NBEAL1: variants seen among roughly 807,000 people sequenced by gnomAD.
NBEAL1 encodes neurobeachin-like protein 1.
In NBEAL1, 273 loss-of-function variants were observed where a neutral mutation model predicts 351.3. The observed-to-expected ratio is 0.78, with a 90% CI of 0.70 to 0.86. NBEAL1 has a LOEUF of 0.86. NBEAL1 is among the 40% of genes least tolerant of loss of function. NBEAL1 has a pLI of 0.00. For missense variants in NBEAL1, 2,961 were observed against 3,201.3 expected, an observed-to-expected ratio of 0.92 and a Z score of 1.81; for synonymous variants, 1,050 against 1,086.4, an observed-to-expected ratio of 0.97 and a Z score of 0.66.
chr2:203,203,450 T>C (rs555972104), intron 51 of NBEAL1, among the ~76,000 whole-genome samples: 3 of 152,116 alleles, frequency 2.0e-5, no homozygotes, highest in South Asian at 4.2e-4. Flanking sequence ...GCTGGGATTA[T>C]AGGTATGAGC....
chr2:203,029,622 G>A (rs1197747503), intron 2 of NBEAL1, among the ~76,000 whole-genome samples: 1 of 150,018 alleles, frequency 6.7e-6, no homozygotes, highest in Non-Finnish European at 1.5e-5. Flanking sequence ...AGCCCAGGTG[G>A]TTGAGGCTGC....
At chr2:203,208,105 G>C (rs1239951417) in intron 51 of NBEAL1, among the ~76,000 whole-genome samples, 6 of 152,034 alleles carry the variant, frequency 3.9e-5, no homozygotes, top group Admixed American at 3.3e-4. Context: ...AACATGGCAA[G>C]ACCCTCATCT....
chr2:203,120,086 A>T (rs929097832), intron 18 of NBEAL1, among the ~76,000 whole-genome samples: 1 of 152,184 alleles, frequency 6.6e-6, no homozygotes, highest in Non-Finnish European at 1.5e-5. Flanking sequence ...AGCAAAATAA[A>T]TTTTTTAAAA....
intron 6 of NBEAL1, among the ~76,000 whole-genome samples, chr2:203,065,924 A>G (rs1410337071): frequency 6.6e-6 from 1 of 152,256 alleles, no homozygotes; most frequent in Non-Finnish European, 1.5e-5. Context: ...TAACTATGCT[A>G]TATTCTACAA....
At chr2:203,193,693 G>A (rs758194623) in intron 46 of NBEAL1, 102 bp from the exon 47 acceptor site, 8 of 683,398 alleles carry the variant, frequency 1.2e-5, no homozygotes, top group South Asian at 2.2e-5. Flanking sequence ...ACAATGCATG[G>A]TATGTAATTC....
At chr2:203,207,188 GC>G (rs2065617442) in intron 51 of NBEAL1, among the ~76,000 whole-genome samples, 1 of 148,370 alleles carries the variant, frequency 6.7e-6, no homozygotes, top group South Asian at 2.1e-4. Context: ...CCCGGCAGCC[GC>G]CCCGTCTGAG....
rs1046068975 is a variant in NBEAL1, at chr2:203,224,499, T to C, written c.*7145T>C. 2.6e-5 allele frequency among the ~76,000 whole-genome samples: 4 copies of C among 152,288 alleles called. No individual in the cohort carries two copies. Among genetic ancestry groups the C allele is most frequent in the African/African-American group, 9.6e-5 (4 of 41,586 alleles). On this transcript the variant is annotated 3_prime_UTR_variant, in exon 56 of 56. Transcript: ENST00000683969. ...AAACATATTTAATTCATCTCTTTTGTCAGTTTTTCTGGGACTCCAATAGCA... is the reference window on the plus strand; with the variant it reads ...AAACATATTTAATTCATCTCTTTTGCCAGTTTTTCTGGGACTCCAATAGCA...
chr2:203,152,828 G>C (rs1431959166), intron 35 of NBEAL1, among the ~76,000 whole-genome samples: 2 of 151,438 alleles, frequency 1.3e-5, no homozygotes, highest in African/African-American at 4.9e-5. Flanking sequence ...CTGAGGTCAG[G>C]AGCTCGAGAC....
At chr2:203,109,395 A>T (rs2062510911) in intron 14 of NBEAL1, among the ~76,000 whole-genome samples, 1 of 152,188 alleles carries the variant, frequency 6.6e-6, no homozygotes, top group African/African-American at 2.4e-5. Flanking sequence ...GATATGAGTA[A>T]TGATTTCTAT....
intron 7 of NBEAL1, among the ~76,000 whole-genome samples, chr2:203,072,231 C>A (rs947641722): frequency 2.0e-5 from 3 of 152,190 alleles, no homozygotes; most frequent in Admixed American, 2.0e-4. Flanking sequence ...AGTCTACCTT[C>A]ATTCCTTCCC....
intron 2 of NBEAL1, among the ~76,000 whole-genome samples, chr2:203,035,876 T>G (rs1282237165): frequency 6.7e-6 from 1 of 149,402 alleles, no homozygotes; most frequent in Non-Finnish European, 1.5e-5. Context: ...TGAAAATAAT[T>G]TTTATTGATA....
intron 44 of NBEAL1, among the ~76,000 whole-genome samples, chr2:203,183,973 G>A (rs2064811996): frequency 6.6e-6 from 1 of 151,476 alleles, no homozygotes. Flanking sequence ...AGCTACTCAG[G>A]AGGCTGAGGC....
At chr2:203,140,009 A>G (rs1433978991) in intron 31 of NBEAL1, among the ~76,000 whole-genome samples, 1 of 152,172 alleles carries the variant, frequency 6.6e-6, no homozygotes. Context: ...TGTAGAAAAT[A>G]CACAAAAGCG....
At chr2:203,079,259 G>A (rs2061830742) in intron 8 of NBEAL1, among the ~76,000 whole-genome samples, 1 of 151,924 alleles carries the variant, frequency 6.6e-6, no homozygotes. Context: ...TTGTATTTTT[G>A]TATTTTTGTA....
chr2:203,199,471 A>T, intron 49 of NBEAL1, 24 bp downstream of exon 49: 2 of 1,197,756 alleles, frequency 1.7e-6, no homozygotes, highest in Non-Finnish European at 2.5e-6. Flanking sequence ...TATGTAAAGC[A>T]AAATAGCTAT....
Position 203,217,616 on chromosome 2 carries a change from A to G in NBEAL1, c.*262A>G. The G allele has an allele frequency of 9.7e-7, 1 of 1,030,462 alleles. No homozygotes were observed. The highest frequency in any genetic ancestry group is 4.3e-4 in the Middle Eastern group (1 of 2,348). 63.8% of individuals were successfully genotyped at this position (1,030,462 alleles called of 1,614,324 possible). ...TAAAACAAACTAAAATGAGAACATT[A>G]GGTTCAATTTTCTTATTATTCCAAA... On this transcript the variant is annotated 3_prime_UTR_variant, in exon 56 of 56. Transcript: ENST00000683969.
At chr2:203,096,803 C>T (rs2062194654) in intron 10 of NBEAL1, among the ~76,000 whole-genome samples, 1 of 152,178 alleles carries the variant, frequency 6.6e-6, no homozygotes. Context: ...GGAAGTACTT[C>T]TAGAAAGAAC....
chr2:203,032,080 G>A (rs1452458128), intron 2 of NBEAL1, among the ~76,000 whole-genome samples: 3 of 152,128 alleles, frequency 2.0e-5, no homozygotes, highest in East Asian at 1.9e-4. Context: ...GTAGCCCTAC[G>A]GAGAGGCCCA....
rs780644629 is a variant in NBEAL1, at chr2:203,166,199, A to G, written c.5765A>G (p.Asp1922Gly). Residue 1922 changes from aspartate (D) to glycine (G), a missense_variant, in exon 37 of 56, where the codon GAC becomes GGC. Coordinates refer to ENST00000683969, the MANE Select transcript of NBEAL1 (RefSeq NM_001378026.1). ...AAAGAAAAATTGGTATTGATGGAAG[A>G]CTGTGAACTCATTACAATAATTGAT... ...DQKEKLVLME[D>G]CELITIIDVI... The G allele has an allele frequency of 6.2e-7, 1 of 1,609,752 alleles. No homozygotes were observed. The highest frequency in any genetic ancestry group is 1.7e-5 in the Admixed American group (1 of 59,214).
Sources: gnomAD v4.1 joint callset for allele counts (sites outside exome capture counted in the v4.1 genomes callset) on GRCh38, gnomAD v4.1.1 for gene constraint, MANE v1.5 for transcripts, NCBI Gene and HGNC (gene_info 2026-07-23, HGNC 2026-07-21) for gene names.